The following LRP1B variants were observed in gnomAD, a reference collection of about 807,000 sequenced individuals.
LRP1B encodes the protein LDL receptor related protein 1B, also known as low-density lipoprotein receptor-related protein 1B.
A neutral mutation model predicts 556.6 loss-of-function variants in LRP1B; 217 were observed. The observed-to-expected ratio is 0.39, with a 90% CI of 0.35 to 0.44. LRP1B has a LOEUF of 0.44. LRP1B is among the 20% of genes least tolerant of loss of function. The pLI is 1.00. For synonymous variants in LRP1B, 2,047 were observed against 1,865.8 expected (o/e 1.10, Z -2.50); for missense variants, 5,053 against 5,620.8 (o/e 0.90, Z 3.23).
chr2:141,929,711 T>C (rs976363877), intron 1 of LRP1B, among the ~76,000 whole-genome samples: 1 of 151,976 alleles, frequency 6.6e-6, no homozygotes, highest in African/African-American at 2.4e-5. Flanking sequence ...CTTCCTTAAA[T>C]TCTTCTTTCT....
chr2:140,861,007 T>TATC (rs1692774921), intron 27 of LRP1B, among the ~76,000 whole-genome samples: 1 of 152,052 alleles, frequency 6.6e-6, no homozygotes, highest in African/African-American at 2.4e-5. Context: ...TCTATCTATC[T>TATC]ATCTATCTAT....
At chr2:141,672,775 T>TA (rs1247425951) in intron 2 of LRP1B, among the ~76,000 whole-genome samples, 2 of 152,162 alleles carry the variant, frequency 1.3e-5, no homozygotes, top group Non-Finnish European at 2.9e-5. Flanking sequence ...TGATGCACTG[T>TA]AAAAAATTAC....
chr2:140,462,006 A>G (rs1687345454), intron 60 of LRP1B, among the ~76,000 whole-genome samples: 1 of 152,188 alleles, frequency 6.6e-6, no homozygotes, highest in Admixed American at 6.5e-5. Flanking sequence ...GAGTTTATAT[A>G]TTGATTTGAA....
At chr2:142,030,669 T>C (rs754077648) in intron 1 of LRP1B, among the ~76,000 whole-genome samples, 3 of 151,840 alleles carry the variant, frequency 2.0e-5, no homozygotes, top group Non-Finnish European at 4.4e-5. Flanking sequence ...TAGATTTGTG[T>C]TGGGGATGGA....
intron 2 of LRP1B, among the ~76,000 whole-genome samples, chr2:141,607,955 T>C (rs1687975667): frequency 6.6e-6 from 1 of 152,096 alleles, no homozygotes; most frequent in Admixed American, 6.6e-5. Flanking sequence ...CCTGGTGCAG[T>C]GGCTCATACC....
intron 69 of LRP1B, 31 bp from the exon 70 acceptor site, chr2:140,371,316 T>C (rs751108066): frequency 2.4e-6 from 3 of 1,249,344 alleles, no homozygotes; most frequent in African/African-American, 1.5e-5. Flanking sequence ...GAAATTGAGA[T>C]AGAGTAAAAA....
chr2:142,061,680 T>A (rs937031025), intron 1 of LRP1B, among the ~76,000 whole-genome samples: 4 of 151,966 alleles, frequency 2.6e-5, no homozygotes, highest in African/African-American at 4.8e-5. Context: ...AGGATAGGAA[T>A]CAAAATTTAA....
chr2:140,935,703 A>G (rs910872033), intron 20 of LRP1B, among the ~76,000 whole-genome samples: 1 of 152,134 alleles, frequency 6.6e-6, no homozygotes, highest in South Asian at 2.1e-4. Flanking sequence ...AGTCTACACC[A>G]ACACACATTA....
intron 35 of LRP1B, among the ~76,000 whole-genome samples, chr2:140,752,567 C>T (rs570287969): frequency 1.2e-4 from 19 of 152,218 alleles, no homozygotes; most frequent in East Asian, 7.8e-4. Flanking sequence ...TCAAGTCATC[C>T]GCCTGCCTGG....
chr2:140,841,248 C>G (rs936105702), intron 29 of LRP1B, among the ~76,000 whole-genome samples, 156 bp from the exon 30 acceptor site: 1 of 152,108 alleles, frequency 6.6e-6, no homozygotes, highest in African/African-American at 2.4e-5. Context: ...CTTATCAGCC[C>G]TTCTTAAGGC....
chr2:140,936,339 C>CAAAAA (rs59717868), intron 20 of LRP1B, among the ~76,000 whole-genome samples: 109 of 86,736 alleles, frequency 1.3e-3, no homozygotes, highest in African/African-American at 2.5e-3. Context: ...GACTCCGTCT[C>CAAAAA]AAAAAAAAAA....
chr2:142,058,929 C>G (rs1382959717), intron 1 of LRP1B, among the ~76,000 whole-genome samples: 2 of 152,080 alleles, frequency 1.3e-5, no homozygotes, highest in Non-Finnish European at 2.9e-5. Flanking sequence ...TTTTCTACCA[C>G]AAGTTCCACA....
At chr2:140,246,970 G>A in intron 87 of LRP1B, 116 bp downstream of exon 87, 1 of 685,794 alleles carries the variant, frequency 1.5e-6, no homozygotes, top group East Asian at 2.9e-5. Context: ...AATTGCAGTG[G>A]ATCTCTTATA....
Position 140,868,154 on chromosome 2 carries a change from G to T in LRP1B, c.4279C>A (p.Pro1427Thr). ...IYKDMKTGAW[P>T]NGLTVDHFEK... ...AAGTGGTCCACAGTTAGTCCATTAG[G>T]CCAAGCCCCAGTTTTCATGTCTTTA... Residue 1427 changes from proline to threonine, a missense_variant, in exon 26 of 91, where the codon CCT (proline) becomes ACT (threonine). By Grantham distance (38) the Pro-to-Thr change is conservative. Transcript: ENST00000389484. 1 of 1,610,488 alleles carries T rather than the reference G, an allele frequency of 6.2e-7. No homozygotes were observed. Among genetic ancestry groups the T allele is most frequent in the Non-Finnish European group, 8.5e-7 (1 of 1,178,502 alleles).
intron 1 of LRP1B, among the ~76,000 whole-genome samples, chr2:142,078,139 C>T (rs1385666819): frequency 6.6e-6 from 1 of 152,118 alleles, no homozygotes; most frequent in African/African-American, 2.4e-5. Flanking sequence ...GATATGCATA[C>T]ATCAGATTCA....
chr2:140,518,237 G>A (rs1690003152), intron 49 of LRP1B, among the ~76,000 whole-genome samples: 1 of 152,044 alleles, frequency 6.6e-6, no homozygotes, highest in Non-Finnish European at 1.5e-5. Flanking sequence ...TTTTTTGAGT[G>A]AATTCAGCAT....
At chr2:141,520,087 G>A (rs1684478123) in intron 2 of LRP1B, among the ~76,000 whole-genome samples, 1 of 152,186 alleles carries the variant, frequency 6.6e-6, no homozygotes, top group East Asian at 1.9e-4. Context: ...AACGAGGCCA[G>A]TGTAGAAGGA....
intron 3 of LRP1B, among the ~76,000 whole-genome samples, chr2:141,442,173 C>A (rs1182530902): frequency 6.6e-6 from 1 of 152,012 alleles, no homozygotes; most frequent in Admixed American, 6.6e-5. Context: ...GAATGAGTAG[C>A]TGATTGCAAC....
intron 1 of LRP1B, among the ~76,000 whole-genome samples, chr2:142,073,152 T>G (rs1705382543): frequency 6.6e-6 from 1 of 152,018 alleles, no homozygotes; most frequent in East Asian, 1.9e-4. Flanking sequence ...TTCCATAAAA[T>G]AAACATTAGT....
Sources: allele counts gnomAD v4.1 joint callset (sites outside exome capture counted in the v4.1 genomes callset), GRCh38; gene constraint gnomAD v4.1.1; transcripts MANE v1.5; gene names NCBI Gene and HGNC (gene_info 2026-07-23, HGNC 2026-07-21).